Variants in RANBP3L observed in about 807,000 individuals in gnomAD.
RANBP3L encodes the protein RAN binding protein 3 like.
In RANBP3L, 56 loss-of-function variants were observed where a neutral mutation model predicts 67.2. That is an observed-to-expected ratio of 0.83 (90% CI 0.67 to 1.04). RANBP3L has a LOEUF of 1.04. Ranked by LOEUF, RANBP3L falls within the 50% of genes least tolerant of loss-of-function variation. The pLI is 0.00. For synonymous variants in RANBP3L, 164 were observed against 181.4 expected (o/e 0.90, Z 0.77); for missense variants, 496 against 535.5 (o/e 0.93, Z 0.73).
At chr5:36,292,182 G>A (rs1260380004) in intron 1 of RANBP3L, among the ~76,000 whole-genome samples, 1 of 152,082 alleles carries the variant, frequency 6.6e-6, no homozygotes, top group Non-Finnish European at 1.5e-5. Flanking sequence ...GTATTTTTTG[G>A]CTGCATAAAT....
chr5:36,289,802 T>C (rs2363036), intron 1 of RANBP3L, among the ~76,000 whole-genome samples: 144,691 of 151,708 alleles, frequency 0.95, 69,300 homozygotes, highest in Non-Finnish European at 0.99. Context: ...TTTCTACAAA[T>C]ACCATCAATC....
chr5:36,250,944 C>G (rs1748546078), intron 13 of RANBP3L, among the ~76,000 whole-genome samples: 1 of 151,964 alleles, frequency 6.6e-6, no homozygotes, highest in South Asian at 2.1e-4. Flanking sequence ...GGGTATCAAG[C>G]CAAGTTTACC....
intron 1 of RANBP3L, among the ~76,000 whole-genome samples, chr5:36,288,959 A>G (rs1751517906): frequency 6.6e-6 from 1 of 151,974 alleles, no homozygotes; most frequent in Non-Finnish European, 1.5e-5. Flanking sequence ...TAACTTATCT[A>G]TATTTTATGG....
chr5:36,292,061 T>A (rs1751825880), intron 1 of RANBP3L, among the ~76,000 whole-genome samples: 1 of 145,092 alleles, frequency 6.9e-6, no homozygotes, highest in Admixed American at 7.0e-5. Context: ...CTCCAGCACC[T>A]GTTGTTTCCT....
At chr5:36,253,336 A>G (rs1748728979) in intron 12 of RANBP3L, among the ~76,000 whole-genome samples, 1 of 152,094 alleles carries the variant, frequency 6.6e-6, no homozygotes, top group African/African-American at 2.4e-5. Flanking sequence ...CCTGGGAACC[A>G]TTCCTGACAA....
At chr5:36,296,147 A>G (rs1000689167) in intron 1 of RANBP3L, among the ~76,000 whole-genome samples, 1 of 152,138 alleles carries the variant, frequency 6.6e-6, no homozygotes, top group Non-Finnish European at 1.5e-5. Context: ...TATACCTTAT[A>G]ATGAAATGGA....
chr5:36,295,600 C>T (rs1752150034), intron 1 of RANBP3L, among the ~76,000 whole-genome samples: 1 of 151,886 alleles, frequency 6.6e-6, no homozygotes. Flanking sequence ...ACAGCAGCTC[C>T]ACCATTTTAT....
intron 1 of RANBP3L, among the ~76,000 whole-genome samples, chr5:36,298,126 C>A (rs1243493219): frequency 1.3e-5 from 2 of 151,598 alleles, no homozygotes; most frequent in Non-Finnish European, 2.9e-5. Context: ...TGGTGAAACC[C>A]CCGTCTCTAC....
rs111973083 is a variant in RANBP3L at position 36,253,504 on chromosome 5, CTT to C, written c.1167+141_1167+142del. Reference sequence around the variant, plus strand: ...TCTGAATTTCACATAAAATTTATGTCTTATGCTATAAACAGACATAATGAATG... The same window carrying C: ...TCTGAATTTCACATAAAATTTATGTCATGCTATAAACAGACATAATGAATG... On this transcript the variant is annotated intron_variant, in intron 12 of 13. Coordinates refer to ENST00000296604, the MANE Select transcript of RANBP3L (RefSeq NM_145000.5). The C allele has an allele frequency of 0.018, 10,920 of 621,074 alleles. 960 individuals carry two copies. In the African/African-American group the frequency reaches 0.18, roughly 10 times the overall value. 38.5% of individuals were successfully genotyped at this position (621,074 alleles called of 1,614,324 possible).
intron 1 of RANBP3L, among the ~76,000 whole-genome samples, chr5:36,291,042 C>A: frequency 6.6e-6 from 1 of 151,874 alleles, no homozygotes; most frequent in South Asian, 2.1e-4. Context: ...CCATGCCTGG[C>A]CCGGCTTTTT....
At chr5:36,257,796 C>A (rs1288445026) in intron 8 of RANBP3L, among the ~76,000 whole-genome samples, 1 of 151,992 alleles carries the variant, frequency 6.6e-6, no homozygotes, top group African/African-American at 2.4e-5. Flanking sequence ...CAGGTGGGAT[C>A]TAGTCCCGGA....
At chr5:36,266,688 T>C (rs1053999772) in intron 4 of RANBP3L, among the ~76,000 whole-genome samples, 2 of 152,186 alleles carry the variant, frequency 1.3e-5, no homozygotes, top group African/African-American at 2.4e-5. Flanking sequence ...CTTTGTTTTA[T>C]GTATAAATAC....
At chr5:36,277,934 C>T (rs888643073) in intron 1 of RANBP3L, among the ~76,000 whole-genome samples, 2 of 152,016 alleles carry the variant, frequency 1.3e-5, no homozygotes, top group Non-Finnish European at 2.9e-5. Flanking sequence ...GAATTGAGAG[C>T]CAAGCAAAGG....
rs556018345 is a variant in RANBP3L at position 36,294,964 on chromosome 5, AT to A, written c.91+6361del. 7.8e-3 allele frequency among the ~76,000 whole-genome samples: 1,164 copies of A among 149,152 alleles called. 14 individuals carry two copies. The highest frequency in any genetic ancestry group is 0.027 in the African/African-American group (1,082 of 40,830). On this transcript the variant is annotated intron_variant, in intron 1 of 13. Coordinates refer to ENST00000296604, the MANE Select transcript of RANBP3L (RefSeq NM_145000.5). ...TATGTACACTACATATTATATATGT[AT>A]GTATACATATATATACACACACATA...
chr5:36,266,332 G>T (rs1310184268), intron 4 of RANBP3L, among the ~76,000 whole-genome samples: 2 of 152,160 alleles, frequency 1.3e-5, no homozygotes, highest in Non-Finnish European at 2.9e-5. Flanking sequence ...GTGGCTCCGA[G>T]TATAGAATTT....
chr5:36,263,754 T>A (rs1579700557), intron 6 of RANBP3L, among the ~76,000 whole-genome samples: 1 of 152,310 alleles, frequency 6.6e-6, no homozygotes, highest in Non-Finnish European at 1.5e-5. Flanking sequence ...CTGGAACGTT[T>A]TAGCTCAAGA....
At chr5:36,255,799 A>C (rs1561096788) in intron 10 of RANBP3L, among the ~76,000 whole-genome samples, 1 of 152,098 alleles carries the variant, frequency 6.6e-6, no homozygotes. Flanking sequence ...AAGACATACA[A>C]AGTGAAAAGG....
intron 1 of RANBP3L, among the ~76,000 whole-genome samples, chr5:36,277,398 A>ATC (rs746299512): frequency 0.25 from 24,556 of 98,164 alleles, 3,371 homozygotes; most frequent in South Asian, 0.46. Flanking sequence ...CAGCTTTTTC[A>ATC]TCTCTCTCTC....
Position 36,247,584 on chromosome 5 carries a change from G to A in RANBP3L, c.*2070C>T, listed in dbSNP as rs915167891. Among the ~76,000 whole-genome samples, 25 of 152,150 alleles carry A rather than the reference G, an allele frequency of 1.6e-4. No individual in the cohort carries two copies. The highest frequency in any genetic ancestry group is 5.8e-4 in the African/African-American group (24 of 41,440). On this transcript the variant is annotated 3_prime_UTR_variant, in exon 14 of 14. Transcript: ENST00000296604. ...TTAGTGTGGGGACGAGGATGAACAT[G>A]TCAAAAAGATAAAGATGACCAGGTG...
Sources: gnomAD v4.1 joint callset for allele counts (sites outside exome capture counted in the v4.1 genomes callset) on GRCh38, gnomAD v4.1.1 for gene constraint, MANE v1.5 for transcripts, NCBI Gene and HGNC (gene_info 2026-07-23, HGNC 2026-07-21) for gene names.